Variants in MRPL55 observed in about 807,000 individuals in gnomAD.
The protein encoded by MRPL55 is large ribosomal subunit protein mL55.
A neutral mutation model predicts 10.6 loss-of-function variants in MRPL55; 7 were observed. That is an observed-to-expected ratio of 0.66 (90% CI 0.38 to 1.24). The LOEUF (loss-of-function observed/expected upper bound fraction) is 1.24. Among genes scored for constraint, MRPL55 ranks in the 50% most tolerant of loss-of-function variants. The pLI is 0.02. For missense variants in MRPL55, 148 were observed against 180.3 expected, an observed-to-expected ratio of 0.82 and a Z score of 1.03; for synonymous variants, 57 against 71.8, an observed-to-expected ratio of 0.79 and a Z score of 1.04.
rs1030021989 is a variant in MRPL55, at chr1:228,106,712, G to A, written c.*48C>T. The stretch of plus-strand genomic sequence containing the variant: ...GCAGCTTCAAGAACGAGTGATTTAA[G>A]AACAGCCCTCCCATCTTAGCAATGT... On this transcript the variant is annotated 3_prime_UTR_variant, in exon 5 of 5. Transcript: ENST00000336520. 7.0e-6 allele frequency: 11 copies of A among 1,567,272 alleles called. No individual in the cohort carries two copies. The highest frequency in any genetic ancestry group is 7.0e-5 in the Admixed American group (4 of 57,304).
At chr1:228,107,013 T>G in intron 4 of MRPL55, 95 bp from the exon 5 acceptor site, 1 of 897,568 alleles carries the variant, frequency 1.1e-6, no homozygotes, top group Non-Finnish European at 1.7e-6. Flanking sequence ...ACTTACGTCT[T>G]CCATCCTATG....
Position 228,106,709 on chromosome 1 carries a change from T to C in MRPL55, c.*51A>G, listed in dbSNP as rs754956368. Reference sequence around the variant, plus strand: ...GTGGCAGCTTCAAGAACGAGTGATTTAAGAACAGCCCTCCCATCTTAGCAA... The same window carrying C: ...GTGGCAGCTTCAAGAACGAGTGATTCAAGAACAGCCCTCCCATCTTAGCAA... On this transcript the variant is annotated 3_prime_UTR_variant, in exon 5 of 5. Transcript: ENST00000336520. The C allele has an allele frequency of 1.6e-5, 25 of 1,564,402 alleles. No homozygotes were observed. The Admixed American group carries it at 3.9e-4, about 24-fold the overall frequency.
At position 228,107,665 on chromosome 1, in the gene MRPL55, T is replaced by C; in HGVS notation, c.228+3A>G. 4 of 1,612,466 alleles carry C rather than the reference T, an allele frequency of 2.5e-6. No individual in the cohort carries two copies. The highest frequency in any genetic ancestry group is 1.7e-6 in the Non-Finnish European group (2 of 1,179,906). On this transcript the variant is annotated splice_donor_region_variant and intron_variant, in intron 4 of 4. Coordinates refer to ENST00000336520, the MANE Select transcript of MRPL55 (RefSeq NM_181463.3). ...CTGGAAGCACCTGGAGAGGGAAGCTTACCGCCAGCATGCGCCGTGGCTCCC... is the reference window on the plus strand; with the variant it reads ...CTGGAAGCACCTGGAGAGGGAAGCTCACCGCCAGCATGCGCCGTGGCTCCC...
In MRPL55 at chr1:228,108,928, G is replaced by A. The variant is rs117711049; in HGVS notation, c.-59+27C>T. ...ATGGAAATCCTGCTACGTGTCCTAT[G>A]CCCACATCCCTCTCCCTCGGCCTCA... On this transcript the variant is annotated intron_variant, in intron 2 of 4. Transcript: ENST00000336520. 558 of 152,974 alleles carry A rather than the reference G, an allele frequency of 3.6e-3. 11 individuals are homozygous for A. Among genetic ancestry groups the A allele is most frequent in the East Asian group, 0.03 (157 of 5,176 alleles). The allele number at this position is 152,974 out of a possible 1,614,324, so 9.5% of individuals were successfully genotyped here.
At chr1:228,108,446 C>T in intron 2 of MRPL55, 128 bp from the exon 3 acceptor site, 1 of 646,700 alleles carries the variant, frequency 1.5e-6, no homozygotes, top group East Asian at 2.8e-5. Flanking sequence ...CCAACCTCTC[C>T]CAGCAACCCT....
chr1:228,107,633 C>T (rs1168658919), intron 4 of MRPL55, 35 bp downstream of exon 4: 6 of 1,606,206 alleles, frequency 3.7e-6, no homozygotes, highest in Non-Finnish European at 5.1e-6. Flanking sequence ...CGACCCCAGC[C>T]CGGCACCTGG....
chr1:228,108,117 G>A (rs1558097603), intron 3 of MRPL55, 118 bp downstream of exon 3: 2 of 1,531,948 alleles, frequency 1.3e-6, no homozygotes, highest in East Asian at 2.5e-5. Context: ...CAGCACAGGG[G>A]ACAGTGGACA....
At chr1:228,108,119 C>T (rs750531949) in intron 3 of MRPL55, 116 bp downstream of exon 3, 2 of 1,532,356 alleles carry the variant, frequency 1.3e-6, no homozygotes, top group South Asian at 2.4e-5. Context: ...GCACAGGGGA[C>T]AGTGGACAAT....
Position 228,106,770 on chromosome 1 carries a change from G to T in MRPL55, c.377C>A (p.Thr126Asn). 1 of 1,612,556 alleles carries T rather than the reference G, an allele frequency of 6.2e-7. No individual in the cohort carries two copies. Among genetic ancestry groups the T allele is most frequent in the Non-Finnish European group, 8.5e-7 (1 of 1,179,256 alleles). Residue 126 changes from threonine to asparagine, a missense_variant, in exon 5 of 5, where the codon ACC becomes AAC. Physicochemically the swap from Thr to Asn is moderately conservative, Grantham distance 65. Transcript: ENST00000336520. ...TGGCTGGAGCCACGGTCACTTCTTG[G>T]TCCTGGTCCAGAACTGTCGGTAGCG... ...VERYRQFWTR[T>N]KK
chr1:228,108,473 G>C, intron 2 of MRPL55, 155 bp from the exon 3 acceptor site: 1 of 568,756 alleles, frequency 1.8e-6, no homozygotes, highest in East Asian at 3.0e-5. Flanking sequence ...TCTCAGAACC[G>C]CCTGTAGAGG....
At position 228,108,307 on chromosome 1, in the gene MRPL55, C is replaced by T. The variant is rs1251725573; in HGVS notation, c.-47G>A. Reference sequence around the variant, plus strand: ...CACGTGGAGGTGGTCAGTACAGGCCCTGGCGTGCAACCTGCTAGGCAGAGA... The same window carrying T: ...CACGTGGAGGTGGTCAGTACAGGCCTTGGCGTGCAACCTGCTAGGCAGAGA... On this transcript the variant is annotated 5_prime_UTR_variant, in exon 3 of 5. Transcript: ENST00000336520. The T allele has an allele frequency of 1.2e-5, 19 of 1,591,890 alleles. No individual in the cohort carries two copies. Among genetic ancestry groups the T allele is most frequent in the Admixed American group, 1.8e-5 (1 of 56,498 alleles).
At chr1:228,108,081 C>T (rs1338303153) in intron 3 of MRPL55, 154 bp downstream of exon 3, 3 of 1,535,926 alleles carry the variant, frequency 2.0e-6, no homozygotes, top group Non-Finnish European at 2.6e-6. Flanking sequence ...AAGAGGCTGC[C>T]AGGCTGAGCA....
chr1:228,108,384 C>A (rs1283427283), intron 2 of MRPL55, 66 bp from the exon 3 acceptor site: 6 of 1,057,226 alleles, frequency 5.7e-6, no homozygotes, highest in Non-Finnish European at 6.9e-6. Flanking sequence ...GGTTTCTTAT[C>A]AAATCCCAGC....
intron 4 of MRPL55, 79 bp from the exon 5 acceptor site, chr1:228,106,997 C>G: frequency 8.6e-7 from 1 of 1,164,424 alleles, no homozygotes; most frequent in African/African-American, 1.5e-5. Flanking sequence ...CAAGGCCTTC[C>G]TCTCAACTTA....
At position 228,107,754 on chromosome 1, in the gene MRPL55, A is replaced by G; in HGVS notation, c.142T>C (p.Tyr48His). ...AGCAGCACGGGGTAGAGTCGTGCAT[A>G]AGCCTGGCGGTGCACACGAGTGAGT... ...ASLTRVHRQA[Y>H]ARLYPVLLVK... Residue 48 changes from tyrosine (Y) to histidine (H), a missense_variant, in exon 4 of 5, where the codon TAT becomes CAT. Tyr to His is a moderately conservative substitution (Grantham distance 83). Coordinates refer to ENST00000336520, the MANE Select transcript of MRPL55 (RefSeq NM_181463.3). 6.2e-7 allele frequency: 1 copy of G among 1,613,262 alleles called. No individual in the cohort carries two copies. The highest frequency in any genetic ancestry group is 1.1e-5 in the South Asian group (1 of 91,092).
At chr1:228,107,315 T>C (rs1324527623) in intron 4 of MRPL55, among the ~76,000 whole-genome samples, 2 of 152,108 alleles carry the variant, frequency 1.3e-5, no homozygotes, top group Non-Finnish European at 2.9e-5. Context: ...TCCCAGCTAC[T>C]TGGGAAGCTG....
intron 3 of MRPL55, 34 bp downstream of exon 3, chr1:228,108,201 A>C (rs1439332918): frequency 6.2e-7 from 1 of 1,604,758 alleles, no homozygotes; most frequent in East Asian, 2.2e-5. Flanking sequence ...GGCCCCTGAC[A>C]GTAATCCCCA....
chr1:228,107,781 A>G lies in MRPL55; in HGVS notation c.115T>C (p.Ser39Pro). Residue 39 changes from serine (S) to proline (P), a missense_variant, in exon 4 of 5, where the codon TCA becomes CCA. Coordinates refer to ENST00000336520, the MANE Select transcript of MRPL55 (RefSeq NM_181463.3). ...SSWRADSSRA[S>P]LTRVHRQAYA... ...GCCTGGCGGTGCACACGAGTGAGTG[A>G]GGCCCTGCTGCTGTCAGCTCGCCAG... The G allele has an allele frequency of 2.5e-6, 4 of 1,613,286 alleles. No homozygotes were observed. Among genetic ancestry groups the G allele is most frequent in the Non-Finnish European group, 3.4e-6 (4 of 1,180,032 alleles).
At chr1:228,107,406 A>C (rs1001112946) in intron 4 of MRPL55, among the ~76,000 whole-genome samples, 1 of 152,230 alleles carries the variant, frequency 6.6e-6, no homozygotes, top group Non-Finnish European at 1.5e-5. Flanking sequence ...CCTGGTTGAC[A>C]GAGCAAGACC....
Sources: gnomAD v4.1 joint callset for allele counts (sites outside exome capture counted in the v4.1 genomes callset) on GRCh38, gnomAD v4.1.1 for gene constraint, MANE v1.5 for transcripts, NCBI Gene and HGNC (gene_info 2026-07-23, HGNC 2026-07-21) for gene names.